MUC17: variants seen among roughly 807,000 people sequenced by gnomAD.
The protein encoded by MUC17 is mucin 17, cell surface associated.
Under a neutral mutation model 170.3 loss-of-function variants are expected in MUC17, and 190 were observed. The observed-to-expected ratio is 1.12, with a 90% CI of 0.99 to 1.26. The LOEUF (loss-of-function observed/expected upper bound fraction) is 1.26, where lower values mean the gene tolerates loss of function less well. Ranked by LOEUF, MUC17 falls within the 50% of genes most tolerant of loss-of-function variation. MUC17 has a pLI of 0.00. For synonymous variants in MUC17, 2,325 were observed against 2,002.5 expected (o/e 1.16, Z -4.30); for missense variants, 6,415 against 5,530.0 (o/e 1.16, Z -5.08).
intron 9 of MUC17, 114 bp downstream of exon 9, chr7:101,052,076 G>A: frequency 4.0e-6 from 5 of 1,246,854 alleles, no homozygotes; most frequent in Non-Finnish European, 5.6e-6. Context: ...CTAGGTCCCA[G>A]CGTCTCCTGA....
In MUC17 at chr7:101,033,366, A is replaced by C. The variant is rs1353286630; in HGVS notation, c.1950A>C (p.Ser650=). 6.2e-7 allele frequency: 1 copy of C among 1,613,840 alleles called. No homozygotes were observed. The highest frequency in any genetic ancestry group is 1.3e-5 in the African/African-American group (1 of 74,910). The part of the protein sequence containing the change: ...LVASSEASTL[S]TTPVDSNTPV... Reference sequence around the variant, plus strand: ...CCAGTTCTGAGGCTAGCACCCTTTCAACAACTCCTGTTGACTCCAACACTC... The same window carrying C: ...CCAGTTCTGAGGCTAGCACCCTTTCCACAACTCCTGTTGACTCCAACACTC... Residue 650 remains serine, a synonymous_variant, in exon 3 of 13, where the codon TCA becomes TCC. Coordinates refer to ENST00000306151, the MANE Select transcript of MUC17 (RefSeq NM_001040105.2).
At position 101,035,073 on chromosome 7, in the gene MUC17, T is replaced by C. The variant is rs1376361644; in HGVS notation, c.3657T>C (p.Thr1219=). The change falls in exon 3 of 13, where the codon ACT becomes ACC. Residue 1219 remains threonine, a synonymous_variant. Coordinates refer to ENST00000306151, the MANE Select transcript of MUC17 (RefSeq NM_001040105.2). The part of the protein sequence containing the change: ...MPTSTPGERS[T]PLTSMPVRHT... ...CCTCAACTCCTGGAGAAAGAAGCAC[T>C]CCATTAACAAGTATGCCTGTCAGAC... The C allele has an allele frequency of 6.2e-7, 1 of 1,613,020 alleles. No homozygotes were observed. The highest frequency in any genetic ancestry group is 1.7e-5 in the Admixed American group (1 of 59,896).
At position 101,043,359 on chromosome 7, in the gene MUC17, C is replaced by T; in HGVS notation, c.11943C>T (p.Thr3981=). 2 of 1,614,176 alleles carry T rather than the reference C, an allele frequency of 1.2e-6. No individual in the cohort carries two copies. Among genetic ancestry groups the T allele is most frequent in the Non-Finnish European group, 1.7e-6 (2 of 1,180,040 alleles). The part of the protein sequence containing the change: ...LNTPSTSSSS[T]TTSFSTTKEF... ...CACCATCAACCTCCAGTAGTAGTAC[C>T]ACCACATCTTTTTCAACTACTAAGG... The change falls in exon 3 of 13, where the codon ACC becomes ACT. Residue 3981 remains threonine (T), a synonymous_variant. Coordinates refer to ENST00000306151, the MANE Select transcript of MUC17 (RefSeq NM_001040105.2).
rs1425630297 is a variant in MUC17, at chr7:101,040,552, A to G, written c.9136A>G (p.Thr3046Ala). 2.5e-6 allele frequency: 4 copies of G among 1,611,226 alleles called. No homozygotes were observed. In the African/African-American group the frequency reaches 4.0e-5, roughly 16 times the overall value. Reference sequence around the variant, plus strand: ...AATCTCAACTCCTAGTGAAGGAAGTACTCCATTAACAAGTATACCTGTCAG... The same window carrying G: ...AATCTCAACTCCTAGTGAAGGAAGTGCTCCATTAACAAGTATACCTGTCAG... ...IPISTPSEGS[T>A]PLTSIPVSTT... Residue 3046 changes from threonine (T) to alanine (A), a missense_variant, in exon 3 of 13, where the codon ACT becomes GCT. Physicochemically the swap from Thr to Ala is moderately conservative, Grantham distance 58. Coordinates refer to ENST00000306151, the MANE Select transcript of MUC17 (RefSeq NM_001040105.2).
At position 101,041,481 on chromosome 7, in the gene MUC17, T is replaced by G. The variant is rs746811422; in HGVS notation, c.10065T>G (p.Ser3355=). 5 of 1,614,060 alleles carry G rather than the reference T, an allele frequency of 3.1e-6. No individual in the cohort carries two copies. Among genetic ancestry groups the G allele is most frequent in the Non-Finnish European group, 4.2e-6 (5 of 1,179,988 alleles). The change falls in exon 3 of 13, where the codon TCT becomes TCG. Residue 3355 remains serine, a synonymous_variant. Transcript: ENST00000306151. The part of the protein sequence containing the change: ...MSFSTTPVVS[S]EASTLSTTPV... ...TCAGCACCACGCCAGTGGTCAGTTC[T>G]GAGGCTAGCACCCTTTCCACAACTC... is the stretch of plus-strand genomic sequence containing the variant.
At position 101,042,989 on chromosome 7, in the gene MUC17, C is replaced by G; in HGVS notation, c.11573C>G (p.Pro3858Arg). ...ACCAAAGCCGGTTCATTCTCCATAC[C>G]TGCTGAAGTCACTACCATACGTATT... ...TSTKAGSFSI[P>R]AEVTTIRISI... The change falls in exon 3 of 13, where the codon CCT becomes CGT. Residue 3858 changes from proline to arginine, a missense_variant. Physicochemically the swap from Pro to Arg is moderately radical, Grantham distance 103 (BLOSUM62 -2). Transcript: ENST00000306151. 1 of 1,614,170 alleles carries G rather than the reference C, an allele frequency of 6.2e-7. No homozygotes were observed. Among genetic ancestry groups the G allele is most frequent in the Non-Finnish European group, 8.5e-7 (1 of 1,180,034 alleles).
In MUC17 at chr7:101,032,690, C is replaced by T. The variant is rs1360593050; in HGVS notation, c.1274C>T (p.Thr425Ile). The change falls in exon 3 of 13, where the codon ACC (threonine) becomes ATC (isoleucine). Residue 425 changes from threonine (T) to isoleucine (I), a missense_variant. Transcript: ENST00000306151. ...TIPVDSKTFV[T>I]TASEASSSPT... ...CCTGTTGACTCCAAAACTTTTGTGA[C>T]CACTGCTAGTGAAGCCAGCTCATCT... The T allele has an allele frequency of 6.4e-7, 1 of 1,574,406 alleles. No individual in the cohort carries two copies. Among genetic ancestry groups the T allele is most frequent in the East Asian group, 2.4e-5 (1 of 42,314 alleles).
rs377519366 is a variant in MUC17 at position 101,034,191 on chromosome 7, A to G, written c.2775A>G (p.Pro925=). ...PTSTPGEGST[P]LTSMPDSTTP... Reference sequence around the variant, plus strand: ...CAACTCCTGGGGAAGGAAGCACTCCATTAACAAGTATGCCTGACAGCACCA... The same window carrying G: ...CAACTCCTGGGGAAGGAAGCACTCCGTTAACAAGTATGCCTGACAGCACCA... Residue 925 remains proline (P), a synonymous_variant, in exon 3 of 13, where the codon CCA becomes CCG. Transcript: ENST00000306151. 1.2e-5 allele frequency: 19 copies of G among 1,585,378 alleles called. No homozygotes were observed. In the East Asian group the frequency reaches 2.8e-4, roughly 24 times the overall value.
chr7:101,045,992 A>G (rs1794833837), intron 3 of MUC17, among the ~76,000 whole-genome samples: 1 of 152,200 alleles, frequency 6.6e-6, no homozygotes, highest in Admixed American at 6.5e-5. Flanking sequence ...GCGCCCCAGC[A>G]TCTGCTTCTG....
At chr7:101,053,631 A>C in intron 11 of MUC17, 195 bp downstream of exon 11, 1 of 485,170 alleles carries the variant, frequency 2.1e-6, no homozygotes, top group African/African-American at 2.0e-5. Flanking sequence ...AATAAAAATA[A>C]AAAAGGGAGG....
Position 101,033,772 on chromosome 7 carries a change from T to A in MUC17, c.2356T>A (p.Cys786Ser), listed in dbSNP as rs1348281005. Reference protein sequence around the residue: ...THITTSTEASCSPTTTEGTSM... With the variant: ...THITTSTEASSSPTTTEGTSM... ...TATCACCACTTCTACTGAAGCCAGT[T>A]GCTCTCCTACAACCACTGAAGGTAC... is the stretch of plus-strand genomic sequence containing the variant. The change falls in exon 3 of 13, where the codon TGC becomes AGC. Residue 786 changes from cysteine to serine, a missense_variant. By Grantham distance (112) the Cys-to-Ser change is moderately radical. Coordinates refer to ENST00000306151, the MANE Select transcript of MUC17 (RefSeq NM_001040105.2). The A allele has an allele frequency of 6.2e-7, 1 of 1,614,078 alleles. No homozygotes were observed. The highest frequency in any genetic ancestry group is 1.1e-5 in the South Asian group (1 of 91,072).
chr7:101,037,420 G>T lies in MUC17; in HGVS notation c.6004G>T (p.Ala2002Ser). 6.2e-7 allele frequency: 1 copy of T among 1,611,840 alleles called. No homozygotes were observed. Among genetic ancestry groups the T allele is most frequent in the Non-Finnish European group, 8.5e-7 (1 of 1,178,670 alleles). Residue 2002 changes from alanine (A) to serine (S), a missense_variant, in exon 3 of 13, where the codon GCT becomes TCT. Ala to Ser is a moderately conservative substitution (Grantham distance 99, BLOSUM62 1). Coordinates refer to ENST00000306151, the MANE Select transcript of MUC17 (RefSeq NM_001040105.2). ...LSTTLVVSSE[A>S]STLSTTPVDT... ...CACCACGCTGGTGGTCAGTTCTGAG[G>T]CTAGCACTCTTTCCACAACTCCTGT... is the stretch of plus-strand genomic sequence containing the variant.
In MUC17 at chr7:101,050,558, A is replaced by C. The variant is rs751533706; in HGVS notation, c.12797A>C (p.Asp4266Ala). The change falls in exon 7 of 13, where the codon GAC (aspartate) becomes GCC (alanine). Residue 4266 changes from aspartate (D) to alanine (A), a missense_variant. Physicochemically the swap from Asp to Ala is moderately radical, Grantham distance 126. Coordinates refer to ENST00000306151, the MANE Select transcript of MUC17 (RefSeq NM_001040105.2). ...KYTPEYKTVLDNATEVVKEKI... is the reference protein window; with the variant it reads ...KYTPEYKTVLANATEVVKEKI... ...ACACCAGAATACAAGACAGTATTGG[A>C]CAATGCCACCGAAGTAGTGAAAGAG... is the stretch of plus-strand genomic sequence containing the variant. The C allele has an allele frequency of 6.2e-7, 1 of 1,614,218 alleles. No homozygotes were observed. Among genetic ancestry groups the C allele is most frequent in the South Asian group, 1.1e-5 (1 of 91,090 alleles).
chr7:101,054,334 T>A (rs1440033033), intron 11 of MUC17, among the ~76,000 whole-genome samples: 6 of 152,138 alleles, frequency 3.9e-5, no homozygotes, highest in Non-Finnish European at 8.8e-5. Flanking sequence ...GCAGGGGAGT[T>A]GTACCTCAGT....
At position 101,029,632 on chromosome 7, in the gene MUC17, T is replaced by C. The variant is rs866907747; in HGVS notation, c.83-1488T>C. ...ATTATTTTTTGAGACAGAGTCTCGC[T>C]CTGTTGGCCAGGCCGGAGTGCAGTG... On this transcript the variant is annotated intron_variant, in intron 1 of 12. Coordinates refer to ENST00000306151, the MANE Select transcript of MUC17 (RefSeq NM_001040105.2). 6.6e-5 allele frequency among the ~76,000 whole-genome samples: 10 copies of C among 152,100 alleles called. No individual in the cohort carries two copies. The South Asian group carries it at 8.3e-4, about 13-fold the overall frequency.
rs1253517044 is a variant in MUC17, at chr7:101,043,429, G to A, written c.12013G>A (p.Val4005Met). The change falls in exon 3 of 13, where the codon GTG becomes ATG. Residue 4005 changes from valine (V) to methionine (M), a missense_variant. Physicochemically the swap from Val to Met is conservative, Grantham distance 21 (BLOSUM62 1). Transcript: ENST00000306151. ...AMTTAAPLTY[V>M]TMSTAPSTPR... is the part of the protein sequence containing the mutation. ...GACTACTGCAGCTCCCCTCACATAT[G>A]TGACCATGTCTACTGCCCCCAGCAC... 7 of 1,614,078 alleles carry A rather than the reference G, an allele frequency of 4.3e-6. No homozygotes were observed. Among genetic ancestry groups the A allele is most frequent in the South Asian group, 1.1e-5 (1 of 91,070 alleles).
intron 1 of MUC17, among the ~76,000 whole-genome samples, chr7:101,022,746 G>A (rs939857871): frequency 3.3e-5 from 5 of 152,070 alleles, no homozygotes; most frequent in African/African-American, 1.2e-4. Context: ...AGCCTGGGAG[G>A]TCGAGGCTGC....
rs1206872107 is a variant in MUC17 at position 101,039,373 on chromosome 7, C to T, written c.7957C>T (p.Leu2653Phe). 6.2e-7 allele frequency: 1 copy of T among 1,609,096 alleles called. No individual in the cohort carries two copies. The highest frequency in any genetic ancestry group is 8.5e-7 in the Non-Finnish European group (1 of 1,178,174). ...AGTGGCCAGTTCTGAGGCTAGCACC[C>T]TTTCAACAACTCCTGTTGACACCAG... ...MPVASSEAST[L>F]STTPVDTRTL... Residue 2653 changes from leucine (L) to phenylalanine (F), a missense_variant, in exon 3 of 13, where the codon CTT becomes TTT. By Grantham distance (22) the Leu-to-Phe change is conservative. Transcript: ENST00000306151.
In MUC17 at chr7:101,033,345, T is replaced by C; in HGVS notation, c.1929T>C (p.Ser643=). ...CTGTCAGCACCACACTGGTGGCCAGTTCTGAGGCTAGCACCCTTTCAACAA... is the reference window on the plus strand; with the variant it reads ...CTGTCAGCACCACACTGGTGGCCAGCTCTGAGGCTAGCACCCTTTCAACAA... ...SMSVSTTLVA[S]SEASTLSTTP... is the part of the protein sequence containing the mutation. The change falls in exon 3 of 13, where the codon AGT becomes AGC. Residue 643 remains serine (S), a synonymous_variant. Coordinates refer to ENST00000306151, the MANE Select transcript of MUC17 (RefSeq NM_001040105.2). 6.2e-7 allele frequency: 1 copy of C among 1,613,888 alleles called. No homozygotes were observed. Among genetic ancestry groups the C allele is most frequent in the Non-Finnish European group, 8.5e-7 (1 of 1,179,838 alleles).
Sources: allele counts gnomAD v4.1 joint callset (sites outside exome capture counted in the v4.1 genomes callset), GRCh38; gene constraint gnomAD v4.1.1; transcripts MANE v1.5; gene names NCBI Gene and HGNC (gene_info 2026-07-23, HGNC 2026-07-21).